The following ADGRV1 variants were observed in gnomAD, a reference collection of about 807,000 sequenced individuals.
ADGRV1 encodes the protein G-protein coupled receptor 98.
A neutral mutation model predicts 596.2 loss-of-function variants in ADGRV1; 359 were observed. That is an observed-to-expected ratio of 0.60 (90% CI 0.55 to 0.66). ADGRV1 has a LOEUF of 0.66. Among genes scored for constraint, ADGRV1 ranks in the 30% least tolerant of loss-of-function variants. The pLI is 0.00. For missense variants in ADGRV1, 7,274 were observed against 7,575.6 expected (o/e 0.96, Z 1.48); for synonymous variants, 2,681 against 2,679.2 (o/e 1.00, Z -0.02).
At chr5:90,603,825 T>C (rs1302211680) in intron 1 of ADGRV1, among the ~76,000 whole-genome samples, 6 of 149,262 alleles carry the variant, frequency 4.0e-5, no homozygotes, top group Middle Eastern at 3.5e-3. Flanking sequence ...TCCTATGAAA[T>C]CAAAGTCCTG....
intron 85 of ADGRV1, among the ~76,000 whole-genome samples, chr5:91,040,272 G>T (rs947611746): frequency 6.6e-6 from 1 of 152,074 alleles, no homozygotes; most frequent in African/African-American, 2.4e-5. Flanking sequence ...TTTTAACTTG[G>T]AATTAATAAC....
chr5:90,962,004 G>A (rs896629143), intron 83 of ADGRV1, among the ~76,000 whole-genome samples: 1 of 152,160 alleles, frequency 6.6e-6, no homozygotes, highest in African/African-American at 2.4e-5. Context: ...GACTGTGCTC[G>A]ATTTAGCTTT....
intron 85 of ADGRV1, among the ~76,000 whole-genome samples, chr5:91,016,994 G>C (rs192368589): frequency 1.3e-3 from 201 of 152,032 alleles, no homozygotes; most frequent in African/African-American, 4.8e-3. Context: ...ATAAACTGAA[G>C]AGTTCCAATG....
Position 90,807,638 on chromosome 5 carries a change from G to A in ADGRV1, c.14873G>A (p.Gly4958Glu), listed in dbSNP as rs1403940976. 2 of 1,613,000 alleles carry A rather than the reference G, an allele frequency of 1.2e-6. No homozygotes were observed. Among genetic ancestry groups the A allele is most frequent in the African/African-American group, 1.3e-5 (1 of 74,924 alleles). The change falls in exon 73 of 90, where the codon GGA (glycine) becomes GAA (glutamate). Residue 4958 changes from glycine (G) to glutamate (E), a missense_variant. Physicochemically the swap from Gly to Glu is moderately conservative, Grantham distance 98. Transcript: ENST00000405460. ...LSFSHGEQRKGVFLWTFPSPG... is the reference protein window; with the variant it reads ...LSFSHGEQRKEVFLWTFPSPG... ...TTTTCCCACGGTGAACAAAGGAAAG[G>A]AGTTTTCCTGTGGACGTTTCCTAGC... is the stretch of plus-strand genomic sequence containing the variant.
intron 83 of ADGRV1, among the ~76,000 whole-genome samples, chr5:90,911,300 T>A (rs1056573742): frequency 6.6e-6 from 1 of 152,198 alleles, no homozygotes; most frequent in African/African-American, 2.4e-5. Context: ...GCTGTGACTT[T>A]TTCAGACAGA....
At chr5:91,021,253 G>T (rs1044107824) in intron 85 of ADGRV1, among the ~76,000 whole-genome samples, 1 of 152,024 alleles carries the variant, frequency 6.6e-6, no homozygotes, top group African/African-American at 2.4e-5. Context: ...TTTTTGAAGA[G>T]CTATAATGTA....
intron 85 of ADGRV1, among the ~76,000 whole-genome samples, chr5:91,049,960 T>C (rs1237105748): frequency 1.3e-5 from 2 of 152,192 alleles, no homozygotes. Flanking sequence ...TACAGACTTA[T>C]CAGTTATCTA....
intron 43 of ADGRV1, chr5:90,718,377 A>G (rs1440094220): frequency 5.9e-5 from 9 of 152,200 alleles, no homozygotes; most frequent in Admixed American, 2.6e-4. Flanking sequence ...TTTTAAATCC[A>G]GCTATCTGTT....
At chr5:91,072,084 A>G (rs1232200625) in intron 85 of ADGRV1, among the ~76,000 whole-genome samples, 1 of 152,282 alleles carries the variant, frequency 6.6e-6, no homozygotes, top group South Asian at 2.1e-4. Flanking sequence ...GCCTGATTTC[A>G]GAGCCCAGAT....
Position 90,619,170 on chromosome 5 carries a change from T to C in ADGRV1, c.442T>C (p.Ser148Pro), listed in dbSNP as rs769994130. The C allele has an allele frequency of 3.1e-5, 43 of 1,397,600 alleles. No individual in the cohort carries two copies. The highest frequency in any genetic ancestry group is 3.0e-4 in the South Asian group (19 of 63,626). The allele number at this position is 1,397,600 out of a possible 1,614,324, so 86.6% of individuals were successfully genotyped here. A position where few individuals can be genotyped will look rare whatever the true frequency, so the allele number is the denominator to read the frequency against. ...AAATGACAATGCATTTGGAATTATT[T>C]CATTTAATATGGTATGGACACAATT... is the stretch of plus-strand genomic sequence containing the variant. ...LSNDNAFGIISFNMLPSIAVS... is the reference protein window; with the variant it reads ...LSNDNAFGIIPFNMLPSIAVS... Residue 148 changes from serine (S) to proline (P), a missense_variant, in exon 4 of 90, where the codon TCA (serine) becomes CCA (proline). Ser to Pro is a moderately conservative substitution (Grantham distance 74, BLOSUM62 -1). Coordinates refer to ENST00000405460, the MANE Select transcript of ADGRV1 (RefSeq NM_032119.4).
chr5:90,745,523 G>A (rs1005604749), intron 51 of ADGRV1, 68 bp from the exon 52 acceptor site: 10 of 1,027,988 alleles, frequency 9.7e-6, no homozygotes, highest in Non-Finnish European at 1.3e-5. Context: ...AATGTAATGA[G>A]TAGTCTACTA....
intron 86 of ADGRV1, among the ~76,000 whole-genome samples, chr5:91,096,664 C>T (rs749271849): frequency 9.9e-5 from 15 of 152,064 alleles, no homozygotes; most frequent in Non-Finnish European, 2.1e-4. Context: ...CTTGACACAG[C>T]CTGAGTTACT....
At chr5:90,654,030 A>G in intron 20 of ADGRV1, 78 bp downstream of exon 20, 1 of 1,404,736 alleles carries the variant, frequency 7.1e-7, no homozygotes, top group Non-Finnish European at 9.8e-7. Context: ...ATTTTTAAAA[A>G]AGTGCTAACA....
chr5:90,594,386 T>C (rs1561346414), intron 1 of ADGRV1, among the ~76,000 whole-genome samples: 2 of 152,170 alleles, frequency 1.3e-5, no homozygotes, highest in Non-Finnish European at 1.5e-5. Flanking sequence ...TGCTGCTTCT[T>C]CTGCCATAAT....
intron 1 of ADGRV1, among the ~76,000 whole-genome samples, chr5:90,586,044 CAGA>C (rs972165910): frequency 3.9e-5 from 6 of 152,128 alleles, no homozygotes; most frequent in African/African-American, 1.4e-4. Context: ...CTAGTTGGGG[CAGA>C]AGAAGAGTTA....
At chr5:91,143,242 T>C (rs1795250197) in intron 87 of ADGRV1, among the ~76,000 whole-genome samples, 1 of 152,142 alleles carries the variant, frequency 6.6e-6, no homozygotes, top group South Asian at 2.1e-4. Flanking sequence ...CACTCCTAGG[T>C]CTGGGCTCCC....
Position 90,743,931 on chromosome 5 carries a change from A to T in ADGRV1, c.10550-1115A>T, listed in dbSNP as rs1300510549. The stretch of plus-strand genomic sequence containing the variant: ...CCCCCTTCCTTCTTAACTTGTGTAG[A>T]TATAAATATGTCCTTTGGCTATTTT... On this transcript the variant is annotated intron_variant, in intron 50 of 89. Coordinates refer to ENST00000405460, the MANE Select transcript of ADGRV1 (RefSeq NM_032119.4). 2.6e-5 allele frequency among the ~76,000 whole-genome samples: 4 copies of T among 152,238 alleles called. No individual in the cohort carries two copies. In the South Asian group the frequency reaches 6.2e-4, roughly 24 times the overall value.
At chr5:90,582,114 T>TG (rs1176101560) in intron 1 of ADGRV1, among the ~76,000 whole-genome samples, 1 of 151,826 alleles carries the variant, frequency 6.6e-6, no homozygotes, top group Non-Finnish European at 1.5e-5. Flanking sequence ...CATGTGTTTT[T>TG]TTTTTTTTTT....
intron 21 of ADGRV1, among the ~76,000 whole-genome samples, chr5:90,668,623 C>G (rs940723557): frequency 4.6e-5 from 7 of 152,116 alleles, no homozygotes; most frequent in African/African-American, 1.2e-4. Context: ...ATTCGTCCAT[C>G]TTGGCTCCTC....
Sources: allele counts gnomAD v4.1 joint callset (sites outside exome capture counted in the v4.1 genomes callset), GRCh38; gene constraint gnomAD v4.1.1; transcripts MANE v1.5; gene names NCBI Gene and HGNC (gene_info 2026-07-23, HGNC 2026-07-21).